Variants in STARD13 observed in about 807,000 individuals in gnomAD.
The protein encoded by STARD13 is stAR-related lipid transfer protein 13.
In STARD13, 62 loss-of-function variants were observed where a neutral mutation model predicts 106.4. The ratio of observed to expected loss-of-function variants is 0.58; its 90% CI spans 0.48 to 0.72. The LOEUF (loss-of-function observed/expected upper bound fraction) is 0.72. Among genes scored for constraint, STARD13 ranks in the 30% least tolerant of loss-of-function variants. STARD13 has a pLI of 0.00. For missense variants in STARD13, 1,387 were observed against 1,424.0 expected (o/e 0.97, Z 0.42); for synonymous variants, 565 against 553.0 (o/e 1.02, Z -0.31).
chr13:33,443,329 A>G, the STARD13 span, among the ~76,000 whole-genome samples: 1 of 151,560 alleles, frequency 6.6e-6, no homozygotes, highest in Admixed American at 6.6e-5. Context: ...GTGAGCCAAG[A>G]TAGTGCCACT....
intron 1 of STARD13, among the ~76,000 whole-genome samples, chr13:33,343,596 A>AC (rs1334611488): frequency 9.9e-5 from 12 of 121,752 alleles, no homozygotes; most frequent in Admixed American, 2.0e-4. Context: ...AAAAAAAAAA[A>AC]ACAAATCTAC....
the STARD13 span, among the ~76,000 whole-genome samples, chr13:33,628,802 A>G: frequency 6.6e-6 from 1 of 152,190 alleles, no homozygotes; most frequent in East Asian, 1.9e-4. Flanking sequence ...CAAATCCCAG[A>G]TCAGTCTCCT....
the STARD13 span, among the ~76,000 whole-genome samples, chr13:33,535,518 A>G: frequency 6.6e-6 from 1 of 152,318 alleles, no homozygotes; most frequent in East Asian, 1.9e-4. Context: ...TAAAAATACA[A>G]CTTCCAGGAG....
At chr13:33,342,151 C>G (rs1181103807) in intron 1 of STARD13, among the ~76,000 whole-genome samples, 1 of 152,124 alleles carries the variant, frequency 6.6e-6, no homozygotes, top group Non-Finnish European at 1.5e-5. Context: ...AAAAATTTTA[C>G]CTTAACCAGT....
At chr13:33,492,086 T>G in the STARD13 span, among the ~76,000 whole-genome samples, 2 of 152,110 alleles carry the variant, frequency 1.3e-5, no homozygotes, top group African/African-American at 4.8e-5. Context: ...AAGGGAGCTT[T>G]TGAGCCAGGA....
At chr13:33,599,822 A>G in the STARD13 span, among the ~76,000 whole-genome samples, 1 of 152,254 alleles carries the variant, frequency 6.6e-6, no homozygotes, top group Admixed American at 6.5e-5. Context: ...ATACTTCTCA[A>G]TATGAATAAA....
At chr13:33,410,368 G>A in the STARD13 span, among the ~76,000 whole-genome samples, 2 of 152,210 alleles carry the variant, frequency 1.3e-5, no homozygotes, top group African/African-American at 4.8e-5. Flanking sequence ...TGAGCAAAGA[G>A]GTTAATAGTA....
At chr13:33,644,910 G>A in the STARD13 span, among the ~76,000 whole-genome samples, 1 of 152,186 alleles carries the variant, frequency 6.6e-6, no homozygotes, top group African/African-American at 2.4e-5. Flanking sequence ...TGCATCATTA[G>A]AGTACAAAAC....
the STARD13 span, among the ~76,000 whole-genome samples, chr13:33,364,972 G>T: frequency 1.3e-5 from 2 of 152,170 alleles, no homozygotes; most frequent in Non-Finnish European, 2.9e-5. Context: ...AGAACAGAAA[G>T]GGGCTCAAAT....
chr13:33,138,892 G>C (rs41292185), intron 4 of STARD13: 8,899 of 470,594 alleles, frequency 0.019, 307 homozygotes, highest in South Asian at 0.079. Flanking sequence ...CTGTATTGTG[G>C]GAGGGTAGCG....
chr13:33,644,188 C>T, the STARD13 span, among the ~76,000 whole-genome samples: 1 of 152,194 alleles, frequency 6.6e-6, no homozygotes, highest in East Asian at 1.9e-4. Context: ...AAAGCATGGG[C>T]TCCAGGGGCC....
intron 1 of STARD13, among the ~76,000 whole-genome samples, chr13:33,257,426 T>TG (rs1286182226): frequency 6.6e-6 from 1 of 152,230 alleles, no homozygotes; most frequent in African/African-American, 2.4e-5. Context: ...ATGCCAAGCA[T>TG]GGTATATAAA....
the STARD13 span, among the ~76,000 whole-genome samples, chr13:33,548,692 C>G: frequency 6.6e-6 from 1 of 152,166 alleles, no homozygotes; most frequent in Admixed American, 6.5e-5. Flanking sequence ...ATAAAACTAA[C>G]TTGGAGAATT....
At chr13:33,306,877 G>T (rs1023953514) in intron 1 of STARD13, among the ~76,000 whole-genome samples, 7 of 152,134 alleles carry the variant, frequency 4.6e-5, no homozygotes, top group African/African-American at 2.4e-5. Flanking sequence ...TCAAACCCGG[G>T]AGGTGGAGGT....
intron 4 of STARD13, among the ~76,000 whole-genome samples, chr13:33,136,634 A>T (rs1172994969): frequency 6.6e-6 from 1 of 152,160 alleles, no homozygotes; most frequent in South Asian, 2.1e-4. Flanking sequence ...ACCAATCAGC[A>T]GGCACTCCCC....
chr13:33,523,655 C>T, the STARD13 span, among the ~76,000 whole-genome samples: 17 of 152,044 alleles, frequency 1.1e-4, no homozygotes, highest in African/African-American at 3.9e-4. Flanking sequence ...AGTTGTAAAA[C>T]GTCTATAGAA....
In STARD13 at chr13:33,197,495, G is replaced by A. The variant is rs569625920; in HGVS notation, c.170-29873C>T. 6.7e-5 allele frequency among the ~76,000 whole-genome samples: 10 copies of A among 150,210 alleles called. No individual in the cohort carries two copies. The South Asian group carries it at 2.1e-3, about 32-fold the overall frequency. On this transcript the variant is annotated intron_variant, in intron 1 of 13. Transcript: ENST00000336934. ...CAGCCCAATAAAACTTGTTTGTATC[G>A]CAAGTGGGCTTATTGTCAGAGTTAA...
intron 7 of STARD13, among the ~76,000 whole-genome samples, chr13:33,119,409 C>G (rs960665101): frequency 6.6e-6 from 1 of 152,138 alleles, no homozygotes; most frequent in Non-Finnish European, 1.5e-5. Context: ...CTGCTCATCC[C>G]CCCTATACCT....
At chr13:33,177,799 G>A (rs867117827) in intron 1 of STARD13, among the ~76,000 whole-genome samples, 60 of 21,330 alleles carry the variant, frequency 2.8e-3, no homozygotes, top group Non-Finnish European at 4.0e-3. Context: ...AAGGAAGGAA[G>A]GAAAGGAAGG....
Sources: gnomAD v4.1 joint callset for allele counts (sites outside exome capture counted in the v4.1 genomes callset) on GRCh38, gnomAD v4.1.1 for gene constraint, MANE v1.5 for transcripts, NCBI Gene and HGNC (gene_info 2026-07-23, HGNC 2026-07-21) for gene names.